The following ZMYM2 variants were observed in gnomAD, a reference collection of about 807,000 sequenced individuals.
The protein encoded by ZMYM2 is zinc finger MYM-type protein 2.
ZMYM2 carries 56 observed loss-of-function variants against 162.8 expected under a neutral mutation model. That is an observed-to-expected ratio of 0.34 (90% CI 0.28 to 0.43). The LOEUF is 0.43. ZMYM2 is among the 20% of genes least tolerant of loss of function. The pLI is 1.00. For synonymous variants in ZMYM2, 510 were observed against 541.6 expected (o/e 0.94, Z 0.81); for missense variants, 1,275 against 1,621.8 (o/e 0.79, Z 3.67).
chr13:20,013,966 A>G (rs1035689069), intron 6 of ZMYM2, among the ~76,000 whole-genome samples: 1 of 152,048 alleles, frequency 6.6e-6, no homozygotes, highest in Non-Finnish European at 1.5e-5. Context: ...GACATCTTGT[A>G]TCTTCTGATT....
chr13:19,964,252 C>T (rs141832785), intron 2 of ZMYM2, among the ~76,000 whole-genome samples: 3 of 152,046 alleles, frequency 2.0e-5, no homozygotes, highest in African/African-American at 2.4e-5. Context: ...GGTAGGCACC[C>T]GTCATGCCAG....
At chr13:19,935,011 C>A in the ZMYM2 span, among the ~76,000 whole-genome samples, 2 of 152,088 alleles carry the variant, frequency 1.3e-5, no homozygotes, top group Non-Finnish European at 2.9e-5. Context: ...AAGTGATCTG[C>A]CCACCTCGGC....
At chr13:20,034,998 G>T (rs1730084856) in intron 11 of ZMYM2, among the ~76,000 whole-genome samples, 1 of 152,178 alleles carries the variant, frequency 6.6e-6, no homozygotes, top group African/African-American at 2.4e-5. Flanking sequence ...AACTAGGATT[G>T]TAGCTATGGG....
At chr13:19,970,395 A>G (rs534994835) in intron 2 of ZMYM2, among the ~76,000 whole-genome samples, 37 of 152,310 alleles carry the variant, frequency 2.4e-4, no homozygotes, top group African/African-American at 8.7e-4. Context: ...ACGCAGATGA[A>G]TATAGAAGTA....
chr13:19,884,978 C>T, the ZMYM2 span, among the ~76,000 whole-genome samples: 1 of 152,106 alleles, frequency 6.6e-6, no homozygotes, highest in Non-Finnish European at 1.5e-5. Flanking sequence ...GTATATTTTA[C>T]AGAGTGCTGA....
In ZMYM2 at chr13:20,054,621, C is replaced by G. The variant is rs1299744677; in HGVS notation, c.2493+2310C>G. ...TCAGCATACACAGATAACTGTGTATCCTGCCTATTGACTAAAAAAGTAAAA... is the reference window on the plus strand; with the variant it reads ...TCAGCATACACAGATAACTGTGTATGCTGCCTATTGACTAAAAAAGTAAAA... On this transcript the variant is annotated intron_variant, in intron 14 of 24. Coordinates refer to ENST00000610343, the MANE Select transcript of ZMYM2 (RefSeq NM_197968.4). 3.3e-5 allele frequency among the ~76,000 whole-genome samples: 5 copies of G among 152,242 alleles called. No homozygotes were observed. The East Asian group carries it at 9.7e-4, about 29-fold the overall frequency.
the ZMYM2 span, among the ~76,000 whole-genome samples, chr13:19,949,049 T>C: frequency 6.6e-6 from 1 of 151,636 alleles, no homozygotes; most frequent in South Asian, 2.1e-4. Context: ...GCAGGAGGAT[T>C]GCTTGAGCTG....
At chr13:19,921,538 T>A in the ZMYM2 span, among the ~76,000 whole-genome samples, 5 of 152,214 alleles carry the variant, frequency 3.3e-5, no homozygotes, top group African/African-American at 1.2e-4. Context: ...TTGTCTTGCT[T>A]ATGAATATAC....
At chr13:19,891,610 CAA>C in the ZMYM2 span, among the ~76,000 whole-genome samples, 13 of 71,244 alleles carry the variant, frequency 1.8e-4, no homozygotes, top group African/African-American at 2.1e-4. Context: ...ATCACCTTTA[CAA>C]AAAAAAAAAA....
rs375454943 is a variant in ZMYM2, at chr13:19,966,291, C to T, written c.-11+6265C>T. Among the ~76,000 whole-genome samples, 177 of 151,902 alleles carry T rather than the reference C, an allele frequency of 1.2e-3. 1 individual carries two copies. In the Middle Eastern group the frequency reaches 0.017, roughly 15 times the overall value. On this transcript the variant is annotated intron_variant, in intron 2 of 24. Transcript: ENST00000610343. ...CTTGGATTGCAGGCATGAGCCGCCA[C>T]GCCTGGCTAATTTTGTATTTTTAGT...
chr13:19,966,371 T>G (rs557812126), intron 2 of ZMYM2, among the ~76,000 whole-genome samples: 2 of 151,510 alleles, frequency 1.3e-5, no homozygotes, highest in Non-Finnish European at 2.9e-5. Context: ...CGACCTCAGG[T>G]TATCTACCTG....
intron 10 of ZMYM2, among the ~76,000 whole-genome samples, chr13:20,033,596 A>G (rs1314356451): frequency 6.6e-6 from 1 of 152,224 alleles, no homozygotes; most frequent in East Asian, 1.9e-4. Context: ...CTTAGTCTGT[A>G]GCCTGCTCAA....
intron 11 of ZMYM2, 51 bp from the exon 12 acceptor site, chr13:20,036,686 T>G: frequency 7.2e-7 from 1 of 1,381,858 alleles, no homozygotes; most frequent in Non-Finnish European, 9.5e-7. Flanking sequence ...TGCTCAATAA[T>G]TAGTTTTCAT....
the ZMYM2 span, among the ~76,000 whole-genome samples, chr13:19,865,629 G>C: frequency 6.6e-6 from 1 of 152,206 alleles, no homozygotes; most frequent in African/African-American, 2.4e-5. Flanking sequence ...AAGCTCAGTA[G>C]CCACTTGTCA....
chr13:19,927,421 G>A, the ZMYM2 span, among the ~76,000 whole-genome samples: 3 of 152,156 alleles, frequency 2.0e-5, no homozygotes, highest in Non-Finnish European at 4.4e-5. Context: ...TTCTAAAAAA[G>A]TTATGATACT....
chr13:19,987,238 TTAA>T (rs1190293887), intron 2 of ZMYM2, among the ~76,000 whole-genome samples: 2 of 151,686 alleles, frequency 1.3e-5, no homozygotes, highest in East Asian at 1.9e-4. Context: ...AAATTAAATA[TTAA>T]TAATGTAAAT....
At chr13:19,902,115 A>T in the ZMYM2 span, among the ~76,000 whole-genome samples, 1 of 152,140 alleles carries the variant, frequency 6.6e-6, no homozygotes, top group Non-Finnish European at 1.5e-5. Flanking sequence ...ATAATATGCT[A>T]AGCGAAAGAA....
chr13:20,015,145 T>C (rs926070894), intron 6 of ZMYM2, among the ~76,000 whole-genome samples: 9 of 152,218 alleles, frequency 5.9e-5, no homozygotes, highest in African/African-American at 1.7e-4. Context: ...CTCATAACTT[T>C]TGGTATTCTT....
chr13:20,026,528 G>A (rs1952597036), intron 7 of ZMYM2, 84 bp from the exon 8 acceptor site: 1 of 1,383,708 alleles, frequency 7.2e-7, no homozygotes, highest in Non-Finnish European at 9.6e-7. Context: ...TTTTGCAGAG[G>A]CAAAAAGTGT....
Sources: gnomAD v4.1 joint callset for allele counts (sites outside exome capture counted in the v4.1 genomes callset) on GRCh38, gnomAD v4.1.1 for gene constraint, MANE v1.5 for transcripts, NCBI Gene and HGNC (gene_info 2026-07-23, HGNC 2026-07-21) for gene names.